Variants in RIC8B observed in about 807,000 individuals in gnomAD.
RIC8B encodes chaperone Ric-8B.
Under a neutral mutation model 57.5 loss-of-function variants are expected in RIC8B, and 16 were observed. That is an observed-to-expected ratio of 0.28 (90% CI 0.19 to 0.42). The LOEUF is 0.42. Ranked by LOEUF, RIC8B falls within the 10% of genes least tolerant of loss-of-function variation. The pLI is 1.00. For missense variants in RIC8B, 481 were observed against 677.0 expected, an observed-to-expected ratio of 0.71 and a Z score of 3.21; for synonymous variants, 216 against 250.8, an observed-to-expected ratio of 0.86 and a Z score of 1.31.
At chr12:106,814,663 A>T in intron 2 of RIC8B, 33 bp from the exon 3 acceptor site, 2 of 1,547,040 alleles carry the variant, frequency 1.3e-6, no homozygotes, top group Non-Finnish European at 1.7e-6. Flanking sequence ...TGAGCCAAAT[A>T]ATGATTTTTG....
chr12:106,789,762 G>A lies in RIC8B; in HGVS notation c.132+5718G>A, dbSNP rs564089746. Among the ~76,000 whole-genome samples, 12 of 152,138 alleles carry A rather than the reference G, an allele frequency of 7.9e-5. No homozygotes were observed. The East Asian group carries it at 2.1e-3, about 27-fold the overall frequency. On this transcript the variant is annotated intron_variant, in intron 2 of 9. Transcript: ENST00000392837. Reference sequence around the variant, plus strand: ...ACAGCCAAACCATATCACTCCCCTCGTTCTCTTTCCTAAATGTGTTTTTGG... The same window carrying A: ...ACAGCCAAACCATATCACTCCCCTCATTCTCTTTCCTAAATGTGTTTTTGG...
At chr12:106,863,431 T>C (rs1228940351) in intron 8 of RIC8B, among the ~76,000 whole-genome samples, 2 of 152,182 alleles carry the variant, frequency 1.3e-5, no homozygotes, top group Non-Finnish European at 2.9e-5. Flanking sequence ...ACCAGCTGTA[T>C]AAACAGTTTC....
At chr12:106,839,673 A>G (rs2046778933) in intron 4 of RIC8B, among the ~76,000 whole-genome samples, 1 of 152,210 alleles carries the variant, frequency 6.6e-6, no homozygotes, top group Non-Finnish European at 1.5e-5. Flanking sequence ...CTAAGGGAAT[A>G]GGTCTTACGT....
intron 9 of RIC8B, among the ~76,000 whole-genome samples, chr12:106,876,696 A>G (rs924307536): frequency 2.0e-5 from 3 of 152,122 alleles, no homozygotes; most frequent in African/African-American, 7.2e-5. Context: ...TAGTGGGACT[A>G]ACTACTTTGA....
chr12:106,831,030 T>A (rs2046332236), intron 4 of RIC8B, among the ~76,000 whole-genome samples: 2 of 152,252 alleles, frequency 1.3e-5, no homozygotes, highest in South Asian at 4.1e-4. Flanking sequence ...CTTCTAGTCC[T>A]CTGATGATTC....
rs1235733834 is a variant in RIC8B, at chr12:106,887,705, C to A, written c.*1690C>A. The A allele has an allele frequency of 6.6e-6, 1 of 152,192 alleles. No individual in the cohort carries two copies. The highest frequency in any genetic ancestry group is 2.1e-4 in the South Asian group (1 of 4,830). The allele number at this position is 152,192 out of a possible 1,614,324, so 9.4% of individuals were successfully genotyped here. ...CATACTGAAAGAAGAAAAAGGCCAA[C>A]TGAAAACTAGATAGTGAGATGAGAA... On this transcript the variant is annotated 3_prime_UTR_variant, in exon 10 of 10. Coordinates refer to ENST00000392837, the MANE Select transcript of RIC8B (RefSeq NM_001330145.2).
intron 5 of RIC8B, 100 bp from the exon 6 acceptor site, chr12:106,843,752 C>A: frequency 6.5e-6 from 5 of 764,092 alleles, no homozygotes; most frequent in Admixed American, 2.7e-5. Flanking sequence ...AAAGTCCCCA[C>A]CTCAAAAACA....
chr12:106,821,428 G>A (rs2045836256), intron 3 of RIC8B, among the ~76,000 whole-genome samples: 1 of 152,052 alleles, frequency 6.6e-6, no homozygotes, highest in Non-Finnish European at 1.5e-5. Context: ...ATGGCCATAT[G>A]GGAAAAAAGT....
chr12:106,788,323 G>A (rs1046310162), intron 2 of RIC8B, among the ~76,000 whole-genome samples: 14 of 152,260 alleles, frequency 9.2e-5, no homozygotes, highest in Admixed American at 2.0e-4. Flanking sequence ...CAGTGTCTGC[G>A]GCTCTTCCAG....
In RIC8B at chr12:106,879,451, A is replaced by G; in HGVS notation, c.1572-6453A>G. On this transcript the variant is annotated intron_variant, in intron 9 of 9. Coordinates refer to ENST00000392837, the MANE Select transcript of RIC8B (RefSeq NM_001330145.2). This position sits in a 1 kb window ranked among gnomAD's most constrained non-coding sequence, Gnocchi z 4.9. ...AAGCAGAACCTTCTCTAAGGTGCTGAGAAGTCATATAAGCCCAGGCATCCT... is the reference window on the plus strand; with the variant it reads ...AAGCAGAACCTTCTCTAAGGTGCTGGGAAGTCATATAAGCCCAGGCATCCT... 1.0e-6 allele frequency: 1 copy of G among 985,336 alleles called. No homozygotes were observed. Among genetic ancestry groups the G allele is most frequent in the Non-Finnish European group, 1.2e-6 (1 of 829,908 alleles). The allele number at this position is 985,336 out of a possible 1,614,324, so 61.0% of individuals were successfully genotyped here. A position where few individuals can be genotyped will look rare whatever the true frequency, so the allele number is the denominator to read the frequency against.
chr12:106,805,669 T>G (rs1463305998), intron 2 of RIC8B, among the ~76,000 whole-genome samples: 1 of 152,188 alleles, frequency 6.6e-6, no homozygotes, highest in Non-Finnish European at 1.5e-5. Flanking sequence ...GAGTAATATT[T>G]CCAAAATACA....
chr12:106,815,270 A>G lies in RIC8B; in HGVS notation c.707A>G (p.Asn236Ser), dbSNP rs370346223. Residue 236 changes from asparagine (N) to serine (S), a missense_variant, in exon 3 of 10, where the codon AAT (asparagine) becomes AGT (serine). Around this residue, in one of 3 missense-constraint regions of RIC8B, gnomAD observed 421 missense variants for 560.9 expected, o/e 0.75. Coordinates refer to ENST00000392837, the MANE Select transcript of RIC8B (RefSeq NM_001330145.2). Reference protein sequence around the residue: ...CAIEALKALFNVTVDSWKVHK... With the variant: ...CAIEALKALFSVTVDSWKVHK... ...ATTGAGGCCCTCAAAGCTCTCTTCA[A>G]TGTGACGGTAGACAGTTGGAAGGTG... 99 of 1,613,898 alleles carry G rather than the reference A, an allele frequency of 6.1e-5. No individual in the cohort carries two copies. The Middle Eastern group carries it at 1.5e-3, about 24-fold the overall frequency.
At chr12:106,817,929 C>T (rs1334176584) in intron 3 of RIC8B, among the ~76,000 whole-genome samples, 1 of 151,478 alleles carries the variant, frequency 6.6e-6, no homozygotes, top group African/African-American at 2.4e-5. Flanking sequence ...ACAAAAGACA[C>T]AAAAGACAGT....
chr12:106,779,574 TAC>T (rs1451911612), intron 1 of RIC8B, among the ~76,000 whole-genome samples: 2 of 150,410 alleles, frequency 1.3e-5, no homozygotes, highest in African/African-American at 4.9e-5. Context: ...TAATACGTAA[TAC>T]AATGTGAATG....
rs1277900416 is a variant in RIC8B, at chr12:106,886,238, A to C, written c.*223A>C. The C allele has an allele frequency of 6.7e-6, 3 of 445,280 alleles. No homozygotes were observed. The highest frequency in any genetic ancestry group is 1.2e-5 in the Non-Finnish European group (3 of 251,814). The allele number at this position is 445,280 out of a possible 1,614,324, so 27.6% of individuals were successfully genotyped here. A position where few individuals can be genotyped will look rare whatever the true frequency, so the allele number is the denominator to read the frequency against. ...GTTAGACGGGGTTACGGGGGCTAAA[A>C]GCAGAAAAAAAATTCCATTTCATCG... is the stretch of plus-strand genomic sequence containing the variant. On this transcript the variant is annotated 3_prime_UTR_variant, in exon 10 of 10. Transcript: ENST00000392837.
At chr12:106,861,841 A>G (rs966643507) in intron 8 of RIC8B, among the ~76,000 whole-genome samples, 1 of 152,136 alleles carries the variant, frequency 6.6e-6, no homozygotes, top group Non-Finnish European at 1.5e-5. Context: ...CATTTCTTAC[A>G]TCCCAGGGTG....
intron 2 of RIC8B, among the ~76,000 whole-genome samples, chr12:106,790,536 T>C (rs1344131529): frequency 6.6e-6 from 1 of 152,222 alleles, no homozygotes; most frequent in Admixed American, 6.5e-5. Flanking sequence ...TAGGCTGTGA[T>C]TATCTACCAG....
At chr12:106,783,570 C>G (rs2043861723) in intron 1 of RIC8B, among the ~76,000 whole-genome samples, 1 of 152,224 alleles carries the variant, frequency 6.6e-6, no homozygotes, top group Non-Finnish European at 1.5e-5. Flanking sequence ...CCATGCCCCA[C>G]CCCAAACGTA....
chr12:106,795,665 C>T (rs1423404408), intron 2 of RIC8B, among the ~76,000 whole-genome samples: 1 of 152,068 alleles, frequency 6.6e-6, no homozygotes, highest in Non-Finnish European at 1.5e-5. Context: ...ATGGAGCCAC[C>T]ATCTTGAATA....
Sources: allele counts gnomAD v4.1 joint callset (sites outside exome capture counted in the v4.1 genomes callset), GRCh38; gene constraint gnomAD v4.1.1; regional missense constraint gnomAD v4.1.1; non-coding constraint Gnocchi (gnomAD v3.1); transcripts MANE v1.5; gene names NCBI Gene and HGNC (gene_info 2026-07-23, HGNC 2026-07-21).